The following TPST1 variants were observed in gnomAD, a reference collection of about 807,000 sequenced individuals.
TPST1 encodes protein-tyrosine sulfotransferase 1.
Under a neutral mutation model 34.8 loss-of-function variants are expected in TPST1, and 20 were observed. That is an observed-to-expected ratio of 0.57 (90% CI 0.40 to 0.84). The LOEUF (loss-of-function observed/expected upper bound fraction) is 0.84. Among genes scored for constraint, TPST1 ranks in the 40% least tolerant of loss-of-function variants. TPST1 has a pLI of 0.00. For missense variants in TPST1, 353 were observed against 455.5 expected, an observed-to-expected ratio of 0.78 and a Z score of 2.05; for synonymous variants, 152 against 159.4, an observed-to-expected ratio of 0.95 and a Z score of 0.35.
intron 3 of TPST1, among the ~76,000 whole-genome samples, chr7:66,300,573 C>T (rs1204487824): frequency 2.0e-5 from 3 of 152,188 alleles, no homozygotes; most frequent in Non-Finnish European, 4.4e-5. Context: ...AGAAGGTTTG[C>T]AGTTGACTTT....
intron 2 of TPST1, among the ~76,000 whole-genome samples, chr7:66,254,788 T>A (rs1378081642): frequency 6.6e-6 from 1 of 152,252 alleles, no homozygotes; most frequent in East Asian, 1.9e-4. Context: ...ATCCCGCAGC[T>A]TTCCTAATGT....
chr7:66,262,867 G>A (rs1171673436), intron 2 of TPST1, among the ~76,000 whole-genome samples: 1 of 152,168 alleles, frequency 6.6e-6, no homozygotes, highest in Non-Finnish European at 1.5e-5. Flanking sequence ...GGAGGCCGAG[G>A]TGGGCAGATC....
chr7:66,210,014 A>G (rs1789211046), intron 1 of TPST1, among the ~76,000 whole-genome samples: 1 of 152,132 alleles, frequency 6.6e-6, no homozygotes, highest in Non-Finnish European at 1.5e-5. Flanking sequence ...GTAGCATTGT[A>G]GAGAACAGGT....
intron 4 of TPST1, among the ~76,000 whole-genome samples, chr7:66,355,940 G>A (rs1020992363): frequency 6.7e-6 from 1 of 149,856 alleles, no homozygotes; most frequent in African/African-American, 2.4e-5. Flanking sequence ...GAGCGTGGTG[G>A]CATACTTGGG....
chr7:66,271,887 C>T (rs1790711940), intron 2 of TPST1, among the ~76,000 whole-genome samples: 2 of 151,846 alleles, frequency 1.3e-5, no homozygotes, highest in Non-Finnish European at 2.9e-5. Flanking sequence ...AGAGAATACG[C>T]AACAGATTAT....
chr7:66,233,487 C>T (rs777299297), intron 1 of TPST1, among the ~76,000 whole-genome samples: 9 of 152,128 alleles, frequency 5.9e-5, no homozygotes, highest in Non-Finnish European at 1.0e-4. Context: ...TGTCTTGGCA[C>T]CCTTGTCAAA....
At chr7:66,242,361 C>T (rs914134241) in intron 2 of TPST1, among the ~76,000 whole-genome samples, 4 of 151,906 alleles carry the variant, frequency 2.6e-5, no homozygotes, top group Admixed American at 6.6e-5. Context: ...AAAATACTTT[C>T]CTTGTGTGCC....
rs1792663947 is a variant in TPST1, at chr7:66,360,251, TTGTC to T, written c.*390_*393del. ...TTGGGCAGTCTCCTTTTGAAATAGG[TTGTC>T]TGTACATGTTCTAATGTTTTGTAGA... On this transcript the variant is annotated 3_prime_UTR_variant, in exon 6 of 6. Transcript: ENST00000304842. The T allele has an allele frequency of 3.7e-6, 1 of 270,058 alleles. No homozygotes were observed. The highest frequency in any genetic ancestry group is 8.9e-5 in the East Asian group (1 of 11,254). The allele number at this position is 270,058 out of a possible 1,614,324, so 16.7% of individuals were successfully genotyped here. A position where few individuals can be genotyped will look rare whatever the true frequency, so the allele number is the denominator to read the frequency against.
intron 2 of TPST1, among the ~76,000 whole-genome samples, chr7:66,248,503 G>GTTTTTTT (rs373801835): frequency 1.6e-5 from 2 of 124,286 alleles, no homozygotes; most frequent in African/African-American, 3.0e-5. Context: ...AACATTTAGT[G>GTTTTTTT]TTTTTTTTTT....
chr7:66,244,504 G>A (rs1790107873), intron 2 of TPST1, among the ~76,000 whole-genome samples: 2 of 152,116 alleles, frequency 1.3e-5, no homozygotes, highest in African/African-American at 2.4e-5. Context: ...CATCTCTTGC[G>A]TCTCTGGGCT....
chr7:66,261,681 A>C (rs1302292012), intron 2 of TPST1, among the ~76,000 whole-genome samples: 1 of 152,152 alleles, frequency 6.6e-6, no homozygotes, highest in African/African-American at 2.4e-5. Context: ...TCCATAAAAT[A>C]TATGTTGTCA....
chr7:66,199,642 T>C, the TPST1 span, among the ~76,000 whole-genome samples: 1 of 151,578 alleles, frequency 6.6e-6, no homozygotes, highest in Non-Finnish European at 1.5e-5. Context: ...ATTTCCCACC[T>C]CTGCCACCAT....
chr7:66,259,262 AGTTT>A (rs1243930249), intron 2 of TPST1, among the ~76,000 whole-genome samples: 1 of 152,106 alleles, frequency 6.6e-6, no homozygotes, highest in East Asian at 1.9e-4. Flanking sequence ...GAGCTTTGGT[AGTTT>A]GTCTTTCAAG....
chr7:66,264,691 G>A (rs1790556323), intron 2 of TPST1, among the ~76,000 whole-genome samples: 1 of 152,174 alleles, frequency 6.6e-6, no homozygotes, highest in Non-Finnish European at 1.5e-5. Flanking sequence ...GGAGAGGGGA[G>A]AGAATCTGAT....
intron 3 of TPST1, among the ~76,000 whole-genome samples, chr7:66,337,862 A>G (rs1792153695): frequency 6.6e-6 from 1 of 152,244 alleles, no homozygotes; most frequent in African/African-American, 2.4e-5. Context: ...AATAAATAGC[A>G]CAAAATCAAA....
intron 3 of TPST1, among the ~76,000 whole-genome samples, chr7:66,313,017 G>C (rs1245813970): frequency 6.7e-6 from 1 of 149,200 alleles, no homozygotes; most frequent in African/African-American, 2.5e-5. Context: ...TCTGTACCTA[G>C]ACATATTTTG....
chr7:66,248,502 TG>T (rs1456835216), intron 2 of TPST1, among the ~76,000 whole-genome samples: 75 of 107,674 alleles, frequency 7.0e-4, no homozygotes, highest in African/African-American at 2.5e-3. Flanking sequence ...AAACATTTAG[TG>T]TTTTTTTTTT....
intron 3 of TPST1, among the ~76,000 whole-genome samples, chr7:66,349,135 TG>T (rs1257864361): frequency 6.6e-6 from 1 of 152,208 alleles, no homozygotes; most frequent in Admixed American, 6.5e-5. Context: ...GGAAGAGCCC[TG>T]GGGTGCGGCC....
intron 1 of TPST1, among the ~76,000 whole-genome samples, chr7:66,240,076 A>G (rs1554343662): frequency 6.6e-6 from 1 of 151,572 alleles, no homozygotes; most frequent in Non-Finnish European, 1.5e-5. Flanking sequence ...TTTAGTAGAG[A>G]TGGGGTTTCA....
Sources: gnomAD v4.1 joint callset for allele counts (sites outside exome capture counted in the v4.1 genomes callset) on GRCh38, gnomAD v4.1.1 for gene constraint, MANE v1.5 for transcripts, NCBI Gene and HGNC (gene_info 2026-07-23, HGNC 2026-07-21) for gene names.